The following ANKS1B variants were observed in gnomAD, a reference collection of about 807,000 sequenced individuals.
The protein encoded by ANKS1B is ankyrin repeat and sterile alpha motif domain-containing protein 1B.
ANKS1B carries 36 observed loss-of-function variants against 148.3 expected under a neutral mutation model. The observed-to-expected ratio is 0.24, with a 90% CI of 0.19 to 0.32. The LOEUF is 0.32. ANKS1B is among the 10% of genes least tolerant of loss of function. The pLI, the probability that ANKS1B is intolerant of heterozygous loss-of-function variation, is 1.00. For missense variants in ANKS1B, 1,157 were observed against 1,542.6 expected (o/e 0.75, Z 4.19); for synonymous variants, 542 against 560.8 (o/e 0.97, Z 0.47).
intron 1 of ANKS1B, among the ~76,000 whole-genome samples, chr12:99,909,905 G>A (rs1028136328): frequency 6.6e-6 from 1 of 151,960 alleles, no homozygotes; most frequent in African/African-American, 2.4e-5. Context: ...CCTGGAAGAT[G>A]ATTTAGACTA....
chr12:99,064,453 T>C (rs2043413434), intron 16 of ANKS1B, among the ~76,000 whole-genome samples: 1 of 128,222 alleles, frequency 7.8e-6, no homozygotes, highest in Admixed American at 9.0e-5. Context: ...ACTGGCCCTG[T>C]CTCTAGTCAT....
intron 12 of ANKS1B, among the ~76,000 whole-genome samples, chr12:99,254,063 A>G (rs1180780557): frequency 6.6e-6 from 1 of 152,230 alleles, no homozygotes; most frequent in Admixed American, 6.5e-5. Context: ...GAAGAAAACT[A>G]AGGAGACATT....
At chr12:99,774,781 A>G (rs918286185) in intron 7 of ANKS1B, among the ~76,000 whole-genome samples, 9 of 151,992 alleles carry the variant, frequency 5.9e-5, no homozygotes, top group African/African-American at 2.2e-4. Flanking sequence ...GTGTGTATAC[A>G]TTTATATACA....
chr12:98,821,509 C>G (rs77836602), intron 19 of ANKS1B, among the ~76,000 whole-genome samples: 1 of 144,930 alleles, frequency 6.9e-6, no homozygotes, highest in East Asian at 2.3e-4. Flanking sequence ...GTCTCTCTCT[C>G]TCTGTCTCTC....
intron 10 of ANKS1B, among the ~76,000 whole-genome samples, chr12:99,459,841 C>G (rs2095919475): frequency 6.6e-6 from 1 of 151,970 alleles, no homozygotes; most frequent in Non-Finnish European, 1.5e-5. Flanking sequence ...CAAAAGCAAT[C>G]TACAAATTAA....
chr12:99,822,955 T>C (rs1488437168), intron 2 of ANKS1B, among the ~76,000 whole-genome samples: 3 of 152,228 alleles, frequency 2.0e-5, no homozygotes, highest in Middle Eastern at 6.8e-3. Flanking sequence ...CCAACATTTG[T>C]CATTTTTTGA....
Position 98,745,662 on chromosome 12 carries a change from C to G in ANKS1B, c.*77G>C. On this transcript the variant is annotated 3_prime_UTR_variant, in exon 27 of 27. Transcript: ENST00000683438. ...CAGTCTTCCTCCTGGGCTGGGTGGA[C>G]GCGGAGGCGCGAAGGAAAGCCTGCT... 6.4e-7 allele frequency: 1 copy of G among 1,570,304 alleles called. No individual in the cohort carries two copies.
intron 17 of ANKS1B, among the ~76,000 whole-genome samples, chr12:98,885,119 T>C (rs933600909): frequency 5.3e-5 from 8 of 152,188 alleles, no homozygotes; most frequent in African/African-American, 9.6e-5. Context: ...ATCTCTAAAA[T>C]ATACATTCCA....
chr12:99,892,268 G>A (rs1395960156), intron 1 of ANKS1B, among the ~76,000 whole-genome samples: 2 of 152,094 alleles, frequency 1.3e-5, no homozygotes, highest in African/African-American at 2.4e-5. Flanking sequence ...CTCCCAAAGC[G>A]CTAGGATTAC....
chr12:99,574,395 T>C (rs553483855), intron 9 of ANKS1B, among the ~76,000 whole-genome samples: 6 of 152,122 alleles, frequency 3.9e-5, no homozygotes, highest in South Asian at 4.1e-4. Context: ...AGAGGATAAA[T>C]TAGTCCTACA....
At chr12:99,945,763 C>T (rs374377180) in intron 1 of ANKS1B, among the ~76,000 whole-genome samples, 3 of 152,270 alleles carry the variant, frequency 2.0e-5, no homozygotes, top group South Asian at 2.1e-4. Context: ...CTCAATTTCC[C>T]CTGTTGCAGG....
At chr12:99,203,529 C>T (rs2082307201) in intron 14 of ANKS1B, among the ~76,000 whole-genome samples, 1 of 151,442 alleles carries the variant, frequency 6.6e-6, no homozygotes, top group African/African-American at 2.4e-5. Context: ...TGGCTCACTG[C>T]AAGCTCCGCC....
intron 9 of ANKS1B, among the ~76,000 whole-genome samples, chr12:99,633,887 T>C (rs923401198): frequency 2.6e-5 from 4 of 152,212 alleles, no homozygotes; most frequent in African/African-American, 9.6e-5. Context: ...GTCTTCCTTT[T>C]CTAATGGAAA....
chr12:99,483,748 A>G (rs2152942491), intron 10 of ANKS1B, among the ~76,000 whole-genome samples: 1 of 152,046 alleles, frequency 6.6e-6, no homozygotes, highest in East Asian at 1.9e-4. Context: ...GTTTCCAGGA[A>G]TTGACCCATT....
intron 1 of ANKS1B, among the ~76,000 whole-genome samples, chr12:99,958,572 AC>A (rs2095358504): frequency 6.6e-6 from 1 of 152,078 alleles, no homozygotes; most frequent in Non-Finnish European, 1.5e-5. Flanking sequence ...GTTAGCAGAG[AC>A]GGGGTTTCGC....
chr12:99,787,117 AT>A, intron 4 of ANKS1B, among the ~76,000 whole-genome samples: 1 of 152,280 alleles, frequency 6.6e-6, no homozygotes. Context: ...TGGATGATAG[AT>A]TTTTTTAAGT....
At chr12:98,928,020 G>C (rs2099810283) in intron 17 of ANKS1B, among the ~76,000 whole-genome samples, 2 of 150,300 alleles carry the variant, frequency 1.3e-5, no homozygotes, top group Admixed American at 1.3e-4. Context: ...GATCAAGAAA[G>C]TTAAATTAAC....
At chr12:99,308,490 C>A (rs1457262598) in intron 12 of ANKS1B, among the ~76,000 whole-genome samples, 1 of 151,950 alleles carries the variant, frequency 6.6e-6, no homozygotes, top group Non-Finnish European at 1.5e-5. Context: ...TTTTCCATGT[C>A]ATTATCATTT....
chr12:98,885,464 TTAC>T (rs1383618035), intron 17 of ANKS1B, among the ~76,000 whole-genome samples: 2 of 152,200 alleles, frequency 1.3e-5, no homozygotes, highest in African/African-American at 4.8e-5. Context: ...ATGTTTCCTT[TTAC>T]TACTAAGGAG....
Sources: allele counts gnomAD v4.1 joint callset (sites outside exome capture counted in the v4.1 genomes callset), GRCh38; gene constraint gnomAD v4.1.1; transcripts MANE v1.5; gene names NCBI Gene and HGNC (gene_info 2026-07-23, HGNC 2026-07-21).